Variants in CCAR2 observed in about 807,000 individuals in gnomAD.
CCAR2 encodes cell cycle and apoptosis regulator 2.
In CCAR2, 21 loss-of-function variants were observed where a neutral mutation model predicts 108.1. The ratio of observed to expected loss-of-function variants is 0.19; its 90% confidence interval spans 0.14 to 0.28. CCAR2 has a LOEUF of 0.28. Ranked by LOEUF, CCAR2 falls within the 10% of genes least tolerant of loss-of-function variation. CCAR2 has a pLI of 1.00. For synonymous variants in CCAR2, 577 were observed against 472.8 expected (o/e 1.22, Z -2.86); for missense variants, 1,126 against 1,177.0 (o/e 0.96, Z 0.63).
chr8:22,605,900 C>G, intron 2 of CCAR2, 69 bp downstream of exon 2: 1 of 1,511,250 alleles, frequency 6.6e-7, no homozygotes, highest in Admixed American at 1.7e-5. Context: ...TTGGGGTTTC[C>G]CTGGTGGAGA....
Position 22,619,234 on chromosome 8 carries a change from C to G in CCAR2, c.2606C>G (p.Ala869Gly). ...AEMQELRVRL[A>G]EAEETARTAE... ...ATGCAGGAGCTGCGAGTCCGGCTGG[C>G]GGAGGCCGAGGAGACCGCCCGGACG... The change falls in exon 20 of 21, where the codon GCG becomes GGG. Residue 869 changes from alanine to glycine, a missense_variant. By Grantham distance (60) the Ala-to-Gly change is moderately conservative. This residue lies in a region of CCAR2 where 1,013 missense variants were observed against 993.9 expected (regional missense o/e 1.02). Transcript: ENST00000308511. 6.4e-7 allele frequency: 1 copy of G among 1,572,188 alleles called. No homozygotes were observed. The highest frequency in any genetic ancestry group is 8.6e-7 in the Non-Finnish European group (1 of 1,159,270).
At chr8:22,605,894 G>A in intron 2 of CCAR2, 63 bp downstream of exon 2, 1 of 1,536,572 alleles carries the variant, frequency 6.5e-7, no homozygotes, top group Non-Finnish European at 9.0e-7. Context: ...GTTAGTTTGG[G>A]GTTTCCCTGG....
At chr8:22,607,156 A>G (rs1187170750) in intron 5 of CCAR2, 40 bp from the exon 6 acceptor site, 2 of 1,612,254 alleles carry the variant, frequency 1.2e-6, no homozygotes, top group South Asian at 1.1e-5. Context: ...GAGTGCCTCA[A>G]CCATGGGGTC....
Position 22,613,123 on chromosome 8 carries a change from T to TA in CCAR2, c.692dup (p.Tyr231Ter), listed in dbSNP as rs766191312. ...TCCTTACCGGGTCCACCTCACTCCT[T>TA]ACACTGTGGACAGGTGAGTGGCGAG... ...LPPYRVHLTP[Y>*]TVDSPICDFL... Residue 231 changes from tyrosine to a stop codon, truncating the protein, a stop_gained and frameshift_variant, in exon 8 of 21, where the codon TAC (tyrosine) becomes TAAC (stop). Coordinates refer to ENST00000308511, the MANE Select transcript of CCAR2 (RefSeq NM_001393997.1). LOFTEE classifies it high-confidence loss of function. 1 of 1,605,418 alleles carries TA rather than the reference T, an allele frequency of 6.2e-7. No individual in the cohort carries two copies.
Position 22,615,999 on chromosome 8 carries a change from A to G in CCAR2, c.1609-13A>G, listed in dbSNP as rs1445888057. The G allele has an allele frequency of 6.2e-7, 1 of 1,612,964 alleles. No individual in the cohort carries two copies. The highest frequency in any genetic ancestry group is 1.7e-5 in the Admixed American group (1 of 59,910). On this transcript the variant is annotated splice_polypyrimidine_tract_variant and intron_variant, in intron 13 of 20. Coordinates refer to ENST00000308511, the MANE Select transcript of CCAR2 (RefSeq NM_001393997.1). ...CTTCCTGATGCTCATGGACCCTCCCACCTCCCCATCAGGTGATGGTGCTGG... is the reference window on the plus strand; with the variant it reads ...CTTCCTGATGCTCATGGACCCTCCCGCCTCCCCATCAGGTGATGGTGCTGG...
Position 22,606,654 on chromosome 8 carries a change from T to C in CCAR2, c.198T>C (p.His66=), listed in dbSNP as rs759521272. The change falls in exon 4 of 21, where the codon CAT becomes CAC. Residue 66 remains histidine (H), a synonymous_variant. Transcript: ENST00000308511. ...TCACTGGTATTGTTACCAGCTTGCATGACTACTTTGGGGTTGTGGATGAAG... is the reference window on the plus strand; with the variant it reads ...TCACTGGTATTGTTACCAGCTTGCACGACTACTTTGGGGTTGTGGATGAAG... ...RVFTGIVTSL[H]DYFGVVDEEV... 8 of 1,614,250 alleles carry C rather than the reference T, an allele frequency of 5.0e-6. No homozygotes were observed. Among genetic ancestry groups the C allele is most frequent in the Non-Finnish European group, 6.8e-6 (8 of 1,180,036 alleles).
At chr8:22,611,182 G>A (rs1801260217) in intron 7 of CCAR2, among the ~76,000 whole-genome samples, 1 of 151,786 alleles carries the variant, frequency 6.6e-6, no homozygotes, top group East Asian at 1.9e-4. Flanking sequence ...CCAAGATGGT[G>A]AAACCCTGAC....
intron 11 of CCAR2, 105 bp downstream of exon 11, chr8:22,615,106 C>T: frequency 7.3e-7 from 1 of 1,375,966 alleles, no homozygotes; most frequent in Non-Finnish European, 9.6e-7. Flanking sequence ...CTCTCTGCCC[C>T]CTAGTCCCGT....
Position 22,612,939 on chromosome 8 carries a change from C to T in CCAR2, c.585-78C>T, listed in dbSNP as rs753635295. ...TGAATGTGAGGGATTTCGATTGTTTCCAGTTCTTTTAGTTCAGTTTGTATT... is the reference window on the plus strand; with the variant it reads ...TGAATGTGAGGGATTTCGATTGTTTTCAGTTCTTTTAGTTCAGTTTGTATT... On this transcript the variant is annotated intron_variant, in intron 7 of 20. Transcript: ENST00000308511. The T allele has an allele frequency of 1.7e-4, 248 of 1,448,308 alleles. 1 individual carries two copies. In the East Asian group the frequency reaches 6.0e-3, roughly 35 times the overall value. The allele number at this position is 1,448,308 out of a possible 1,614,324, so 89.7% of individuals were successfully genotyped here. A position where few individuals can be genotyped will look rare whatever the true frequency, so the allele number is the denominator to read the frequency against.
rs1029223550 is a variant in CCAR2 at position 22,614,677 on chromosome 8, A to C, written c.1042-161A>C. ...TCAGAGCTGTTACGACTAGTCAGAG[A>C]GAGCGAGGTGGCTGGTTCATGTTTG... On this transcript the variant is annotated intron_variant, in intron 10 of 20. Transcript: ENST00000308511. 5.6e-6 allele frequency: 6 copies of C among 1,064,124 alleles called. No individual in the cohort carries two copies. In the African/African-American group the frequency reaches 9.5e-5, roughly 17 times the overall value. The allele number at this position is 1,064,124 out of a possible 1,614,324, so 65.9% of individuals were successfully genotyped here.
At position 22,618,827 on chromosome 8, in the gene CCAR2, G is replaced by A; in HGVS notation, c.2333G>A (p.Gly778Glu). The A allele has an allele frequency of 6.2e-7, 1 of 1,613,534 alleles. No individual in the cohort carries two copies. The highest frequency in any genetic ancestry group is 8.5e-7 in the Non-Finnish European group (1 of 1,179,866). ...DGGLPEEVLF[G>E]NLDLLPPPGK... ...AATTCTTTTTCACGGTTCTCTCTAGGAAACCTGGACCTGCTGCCCCCTCCT... is the reference window on the plus strand; with the variant it reads ...AATTCTTTTTCACGGTTCTCTCTAGAAAACCTGGACCTGCTGCCCCCTCCT... The change falls in exon 19 of 21, where the codon GGA (glycine) becomes GAA (glutamate). Residue 778 changes from glycine to glutamate, a missense_variant and splice_region_variant. Physicochemically the swap from Gly to Glu is moderately conservative, Grantham distance 98. Around this residue, in one of 4 missense-constraint regions of CCAR2, gnomAD observed 1,013 missense variants for 993.9 expected, o/e 1.02. Coordinates refer to ENST00000308511, the MANE Select transcript of CCAR2 (RefSeq NM_001393997.1).
chr8:22,610,785 C>A (rs986453598), intron 7 of CCAR2, among the ~76,000 whole-genome samples: 3 of 152,234 alleles, frequency 2.0e-5, no homozygotes, highest in Non-Finnish European at 4.4e-5. Flanking sequence ...CAAGAACCTT[C>A]TGGTGAATAC....
rs772854189 is a variant in CCAR2 at position 22,607,979 on chromosome 8, C to T, written c.498C>T (p.Leu166=). Residue 166 remains leucine, a synonymous_variant, in exon 7 of 21, where the codon CTC becomes CTT. Coordinates refer to ENST00000308511, the MANE Select transcript of CCAR2 (RefSeq NM_001393997.1). Reference sequence around the variant, plus strand: ...ATTTCCTTTCTGCAGCTCTGAGTCTCTTCCAAACATCCCACACACTTCACC... The same window carrying T: ...ATTTCCTTTCTGCAGCTCTGAGTCTTTTCCAAACATCCCACACACTTCACC... The part of the protein sequence containing the change: ...PPLFPQKPLS[L]FQTSHTLHLS... 1.9e-6 allele frequency: 3 copies of T among 1,613,994 alleles called. No individual in the cohort carries two copies. The highest frequency in any genetic ancestry group is 2.5e-6 in the Non-Finnish European group (3 of 1,179,986).
intron 19 of CCAR2, 42 bp downstream of exon 19, chr8:22,619,057 A>T: frequency 2.5e-6 from 4 of 1,604,772 alleles, no homozygotes; most frequent in Non-Finnish European, 2.6e-6. Context: ...TCACATGCAG[A>T]CCAGTAGGGA....
chr8:22,620,632 G>C (rs1368188783), downstream of CCAR2: 1 of 152,160 alleles, frequency 6.6e-6, no homozygotes, highest in Non-Finnish European at 1.5e-5. Context: ...GCCTGCTGGA[G>C]GGTGCTGCTG....
rs1360702499 is a variant in CCAR2, at chr8:22,617,754, G to A, written c.2049G>A (p.Met683Ile). The change falls in exon 16 of 21, where the codon ATG (methionine) becomes ATA (isoleucine). Residue 683 changes from methionine (M) to isoleucine (I), a missense_variant. By Grantham distance (10) the Met-to-Ile change is conservative. This residue lies in a region of CCAR2 where 1,013 missense variants were observed against 993.9 expected (regional missense o/e 1.02). Transcript: ENST00000308511. ...CCGTTGCCTCAAACCAGTCAGAGATGGAGTTCTCTTCACTTCAGGACATGG... is the reference window on the plus strand; with the variant it reads ...CCGTTGCCTCAAACCAGTCAGAGATAGAGTTCTCTTCACTTCAGGACATGG... Reference protein sequence around the residue: ...VRSVASNQSEMEFSSLQDMPK... With the variant: ...VRSVASNQSEIEFSSLQDMPK... The A allele has an allele frequency of 2.5e-6, 4 of 1,613,820 alleles. No individual in the cohort carries two copies. Among genetic ancestry groups the A allele is most frequent in the Non-Finnish European group, 3.4e-6 (4 of 1,180,030 alleles).
At chr8:22,611,830 C>A (rs1218577175) in intron 7 of CCAR2, among the ~76,000 whole-genome samples, 1 of 151,956 alleles carries the variant, frequency 6.6e-6, no homozygotes, top group Non-Finnish European at 1.5e-5. Context: ...AGTCTTTCTT[C>A]TTCTTTTGAA....
intron 8 of CCAR2, 144 bp from the exon 9 acceptor site, chr8:22,613,948 C>T (rs548241692): frequency 3.0e-5 from 20 of 662,416 alleles, no homozygotes; most frequent in Admixed American, 2.3e-4. Context: ...GTGGTCAGAT[C>T]TGATCTAGCT....
chr8:22,606,398 C>T (rs1346779508), intron 3 of CCAR2, among the ~76,000 whole-genome samples: 1 of 152,172 alleles, frequency 6.6e-6, no homozygotes, highest in Non-Finnish European at 1.5e-5. Flanking sequence ...ACTGGAAATC[C>T]CAGAAGAAGC....
Sources: allele counts gnomAD v4.1 joint callset (sites outside exome capture counted in the v4.1 genomes callset), GRCh38; gene constraint gnomAD v4.1.1; regional missense constraint gnomAD v4.1.1; transcripts MANE v1.5; gene names NCBI Gene and HGNC (gene_info 2026-07-23, HGNC 2026-07-21).